SLC39A11: variants seen among roughly 807,000 people sequenced by gnomAD.
SLC39A11 encodes the protein solute carrier family 39 member 11.
Under a neutral mutation model 36.1 loss-of-function variants are expected in SLC39A11, and 33 were observed. The observed-to-expected ratio is 0.91, with a 90% CI of 0.69 to 1.22. The LOEUF is 1.22. Among genes scored for constraint, SLC39A11 ranks in the 50% most tolerant of loss-of-function variants. The pLI is 0.00. For missense variants in SLC39A11, 432 were observed against 430.3 expected (o/e 1.00, Z -0.03); for synonymous variants, 166 against 170.3 (o/e 0.97, Z 0.20).
At chr17:72,767,928 A>G (rs1216475233) in intron 6 of SLC39A11, among the ~76,000 whole-genome samples, 3 of 151,896 alleles carry the variant, frequency 2.0e-5, no homozygotes, top group South Asian at 2.1e-4. Flanking sequence ...ACTCAAATCA[A>G]TCGCATCCAA....
intron 5 of SLC39A11, among the ~76,000 whole-genome samples, chr17:72,871,815 G>A (rs895754127): frequency 1.3e-5 from 2 of 152,168 alleles, no homozygotes; most frequent in African/African-American, 2.4e-5. Context: ...TTGAGGAGGG[G>A]GTTGTGGGGA....
At chr17:72,877,604 GA>G (rs1567869142) in intron 5 of SLC39A11, among the ~76,000 whole-genome samples, 1 of 152,090 alleles carries the variant, frequency 6.6e-6, no homozygotes, top group Non-Finnish European at 1.5e-5. Flanking sequence ...GAAGCTAGGA[GA>G]GACAGAGAAA....
intron 5 of SLC39A11, among the ~76,000 whole-genome samples, chr17:72,854,433 T>C (rs574501004): frequency 6.6e-6 from 1 of 151,838 alleles, no homozygotes; most frequent in South Asian, 2.1e-4. Flanking sequence ...GTGACCAGAG[T>C]GGGGAAAGAC....
chr17:72,971,336 A>ACACACACACACT (rs1555657685), intron 4 of SLC39A11, among the ~76,000 whole-genome samples: 3 of 143,498 alleles, frequency 2.1e-5, no homozygotes, highest in Admixed American at 1.4e-4. Context: ...ACACACACAC[A>ACACACACACACT]CTCTCTCTCT....
intron 7 of SLC39A11, among the ~76,000 whole-genome samples, chr17:72,689,871 G>A (rs1435174534): frequency 6.6e-6 from 1 of 152,142 alleles, no homozygotes; most frequent in Non-Finnish European, 1.5e-5. Flanking sequence ...AGATAGAGGT[G>A]GCAGTTGTAC....
In SLC39A11 at chr17:72,865,720, C is replaced by T. The variant is rs139411155; in HGVS notation, c.431-15916G>A. ...ATGCATGAGAGTCAGCAGGCACCAC[C>T]GACAGAGAGAAGCAGAACCTTTGTG... is the stretch of plus-strand genomic sequence containing the variant. On this transcript the variant is annotated intron_variant, in intron 5 of 9. Transcript: ENST00000255559. Among the ~76,000 whole-genome samples the T allele has an allele frequency of 5.4e-3, 819 of 152,042 alleles. 9 individuals carry two copies. The highest frequency in any genetic ancestry group is 8.4e-3 in the South Asian group (40 of 4,790).
intron 6 of SLC39A11, among the ~76,000 whole-genome samples, chr17:72,758,334 A>G (rs551687170): frequency 6.6e-6 from 1 of 152,332 alleles, no homozygotes; most frequent in African/African-American, 2.4e-5. Context: ...TGGTTACTTT[A>G]ATTGCAATCT....
chr17:72,687,221 G>A (rs534285842), intron 7 of SLC39A11, among the ~76,000 whole-genome samples: 4 of 151,222 alleles, frequency 2.6e-5, no homozygotes, highest in South Asian at 4.2e-4. Flanking sequence ...TGTAGACACA[G>A]GGTCTCACTA....
At chr17:73,070,362 C>T (rs762230432) in intron 3 of SLC39A11, among the ~76,000 whole-genome samples, 2 of 152,154 alleles carry the variant, frequency 1.3e-5, no homozygotes, top group Non-Finnish European at 2.9e-5. Flanking sequence ...CAGCTAGACA[C>T]CAGAGGTGAC....
chr17:72,981,999 T>C (rs116798676), intron 4 of SLC39A11, among the ~76,000 whole-genome samples: 160 of 152,216 alleles, frequency 1.1e-3, no homozygotes, highest in African/African-American at 3.6e-3. Flanking sequence ...TCCCAGCCAC[T>C]TGGGAGGCCA....
intron 6 of SLC39A11, among the ~76,000 whole-genome samples, chr17:72,822,404 C>T (rs1891291840): frequency 6.7e-6 from 1 of 150,004 alleles, no homozygotes; most frequent in African/African-American, 2.4e-5. Flanking sequence ...GTTAATTTGA[C>T]TCATGACTTA....
chr17:72,651,447 C>T (rs1206477940), intron 7 of SLC39A11, among the ~76,000 whole-genome samples: 3 of 152,168 alleles, frequency 2.0e-5, no homozygotes, highest in Admixed American at 2.0e-4. Context: ...TTACTGTATA[C>T]AAGATCTGAT....
intron 4 of SLC39A11, among the ~76,000 whole-genome samples, chr17:72,948,920 C>A (rs1268985617): frequency 6.6e-6 from 1 of 152,008 alleles, no homozygotes; most frequent in Non-Finnish European, 1.5e-5. Flanking sequence ...GAAGCCCCAA[C>A]CCCACTGACC....
intron 3 of SLC39A11, among the ~76,000 whole-genome samples, chr17:73,065,915 A>G (rs1414898899): frequency 6.6e-6 from 1 of 152,330 alleles, no homozygotes; most frequent in East Asian, 1.9e-4. Context: ...AGAAAACAAG[A>G]CAAAGGGGAA....
chr17:72,815,857 G>GC (rs2077565358), intron 6 of SLC39A11, among the ~76,000 whole-genome samples: 1 of 152,182 alleles, frequency 6.6e-6, no homozygotes, highest in African/African-American at 2.4e-5. Flanking sequence ...GGAGGTGGAG[G>GC]CTGCAGTGAG....
intron 7 of SLC39A11, among the ~76,000 whole-genome samples, chr17:72,669,319 C>T (rs2070892752): frequency 6.6e-6 from 1 of 152,172 alleles, no homozygotes; most frequent in African/African-American, 2.4e-5. Flanking sequence ...CATCCTTTTG[C>T]TATTTCAGGA....
At chr17:72,943,017 G>A (rs2085210124) in intron 5 of SLC39A11, among the ~76,000 whole-genome samples, 1 of 152,170 alleles carries the variant, frequency 6.6e-6, no homozygotes, top group Non-Finnish European at 1.5e-5. Flanking sequence ...TTTTCCAAAG[G>A]CACCTAAGGG....
At chr17:72,947,663 T>G in intron 5 of SLC39A11, 89 bp downstream of exon 5, 2 of 1,586,376 alleles carry the variant, frequency 1.3e-6, no homozygotes, top group Non-Finnish European at 1.7e-6. Context: ...CTCTCACTAT[T>G]CATCCTACCA....
chr17:72,770,983 T>C (rs1414540061), intron 6 of SLC39A11, among the ~76,000 whole-genome samples: 1 of 151,938 alleles, frequency 6.6e-6, no homozygotes. Context: ...TTGGTTATAA[T>C]GAATCTTAAT....
Sources: allele counts gnomAD v4.1 joint callset (sites outside exome capture counted in the v4.1 genomes callset), GRCh38; gene constraint gnomAD v4.1.1; transcripts MANE v1.5; gene names NCBI Gene and HGNC (gene_info 2026-07-23, HGNC 2026-07-21).